The following ATP10B variants were observed in gnomAD, a reference collection of about 807,000 sequenced individuals.
The protein encoded by ATP10B is phospholipid-transporting ATPase VB.
A neutral mutation model predicts 141.2 loss-of-function variants in ATP10B; 122 were observed. The ratio of observed to expected loss-of-function variants is 0.86; its 90% CI spans 0.75 to 1.00. The LOEUF (loss-of-function observed/expected upper bound fraction) is 1.00, where lower values mean the gene tolerates loss of function less well. ATP10B is among the 50% of genes least tolerant of loss of function. The pLI, the probability that ATP10B is intolerant of heterozygous loss-of-function variation, is 0.00. For missense variants in ATP10B, 1,876 were observed against 1,825.3 expected, an observed-to-expected ratio of 1.03 and a Z score of -0.51; for synonymous variants, 685 against 692.0, an observed-to-expected ratio of 0.99 and a Z score of 0.16.
At chr5:160,578,537 C>T (rs917573833) in intron 24 of ATP10B, among the ~76,000 whole-genome samples, 2 of 152,110 alleles carry the variant, frequency 1.3e-5, no homozygotes, top group Non-Finnish European at 2.9e-5. Context: ...TTTATGGTTG[C>T]ATAGTATTCC....
At chr5:160,745,140 T>G (rs889227167) in intron 2 of ATP10B, among the ~76,000 whole-genome samples, 2 of 152,258 alleles carry the variant, frequency 1.3e-5, no homozygotes, top group Non-Finnish European at 1.5e-5. Flanking sequence ...CTGCTATTAT[T>G]ACCATTGTCA....
chr5:160,688,492 A>G (rs757812936), intron 4 of ATP10B, among the ~76,000 whole-genome samples: 2 of 152,140 alleles, frequency 1.3e-5, no homozygotes, highest in Non-Finnish European at 2.9e-5. Flanking sequence ...TTGCTGGGCT[A>G]TGACCCTGCA....
At chr5:160,676,052 T>A (rs1039447184) in intron 6 of ATP10B, among the ~76,000 whole-genome samples, 7 of 152,174 alleles carry the variant, frequency 4.6e-5, no homozygotes, top group South Asian at 2.1e-4. Context: ...GACGTTTTTA[T>A]TAATGGGACC....
chr5:160,753,961 A>T (rs1768340036), intron 2 of ATP10B, among the ~76,000 whole-genome samples: 1 of 152,188 alleles, frequency 6.6e-6, no homozygotes, highest in Non-Finnish European at 1.5e-5. Context: ...TTCAAAGAAA[A>T]TAGCCTATTA....
chr5:160,726,443 C>T (rs1766368127), intron 2 of ATP10B, among the ~76,000 whole-genome samples: 1 of 152,112 alleles, frequency 6.6e-6, no homozygotes, highest in Admixed American at 6.5e-5. Context: ...AGTGTGAGTC[C>T]TGTTCATCCC....
chr5:160,866,109 C>T, the ATP10B span, among the ~76,000 whole-genome samples: 4 of 151,232 alleles, frequency 2.6e-5, no homozygotes, highest in African/African-American at 7.3e-5. Flanking sequence ...ATGACATATG[C>T]ACATGTATGT....
chr5:160,766,416 A>T (rs978535604), intron 2 of ATP10B, among the ~76,000 whole-genome samples: 1 of 150,468 alleles, frequency 6.6e-6, no homozygotes, highest in African/African-American at 2.4e-5. Flanking sequence ...CTCAGCCATA[A>T]AAAGGAATGA....
At chr5:160,717,403 T>C (rs1026255908) in intron 2 of ATP10B, among the ~76,000 whole-genome samples, 2 of 152,222 alleles carry the variant, frequency 1.3e-5, no homozygotes, top group African/African-American at 2.4e-5. Flanking sequence ...TCTTCTGTTG[T>C]TCAGTTCTCT....
At chr5:160,635,181 C>T (rs1459406197) in intron 11 of ATP10B, among the ~76,000 whole-genome samples, 1 of 143,814 alleles carries the variant, frequency 7.0e-6, no homozygotes, top group Non-Finnish European at 1.6e-5. Flanking sequence ...GGGTGGGATG[C>T]TTGTAAACCA....
At position 160,604,010 on chromosome 5, in the gene ATP10B, T is replaced by C. The variant is rs751089220; in HGVS notation, c.3192A>G (p.Gln1064=). ...ATATTCCAATTCCAATATCAGCAGC[T>C]TGAATCATGCTTACATCATTTGCTC... ...GDGANDVSMI[Q]AADIGIGISG... The change falls in exon 20 of 26, where the codon CAA becomes CAG. Residue 1064 remains glutamine, a synonymous_variant. Coordinates refer to ENST00000327245, the MANE Select transcript of ATP10B (RefSeq NM_025153.3). 8.1e-6 allele frequency: 13 copies of C among 1,613,880 alleles called. No homozygotes were observed. The highest frequency in any genetic ancestry group is 6.7e-5 in the East Asian group (3 of 44,890).
chr5:160,890,129 A>G, the ATP10B span, among the ~76,000 whole-genome samples: 1 of 152,220 alleles, frequency 6.6e-6, no homozygotes, highest in South Asian at 2.1e-4. Flanking sequence ...TTCCATCAAA[A>G]TGTAAACTCC....
intron 8 of ATP10B, among the ~76,000 whole-genome samples, chr5:160,647,213 T>G (rs1760351938): frequency 6.6e-6 from 1 of 152,142 alleles, no homozygotes; most frequent in African/African-American, 2.4e-5. Context: ...AGCTTCTAAA[T>G]TAACGGAACC....
chr5:160,641,416 G>GT (rs1314730876), intron 9 of ATP10B, among the ~76,000 whole-genome samples: 3 of 152,200 alleles, frequency 2.0e-5, no homozygotes, highest in Non-Finnish European at 4.4e-5. Context: ...CTATGTTGAA[G>GT]TTTTGCATAC....
the ATP10B span, among the ~76,000 whole-genome samples, chr5:160,922,576 A>T: frequency 6.6e-6 from 1 of 152,220 alleles, no homozygotes; most frequent in Non-Finnish European, 1.5e-5. Flanking sequence ...ATGTCAATAG[A>T]AGACAATGTG....
At chr5:160,728,269 A>G (rs978471222) in intron 2 of ATP10B, among the ~76,000 whole-genome samples, 2 of 151,900 alleles carry the variant, frequency 1.3e-5, no homozygotes, top group African/African-American at 4.8e-5. Context: ...CTGCCTGAAA[A>G]CCTATTTGGA....
At chr5:160,861,383 G>A in the ATP10B span, among the ~76,000 whole-genome samples, 1 of 151,776 alleles carries the variant, frequency 6.6e-6, no homozygotes, top group Admixed American at 6.6e-5. Flanking sequence ...GATGATTATG[G>A]AATGAAACTT....
At chr5:160,795,410 A>G (rs943592711) in intron 1 of ATP10B, among the ~76,000 whole-genome samples, 2 of 152,082 alleles carry the variant, frequency 1.3e-5, no homozygotes, top group African/African-American at 2.4e-5. Context: ...GTCATTTCCC[A>G]TCTCTGTCCT....
At chr5:160,855,546 G>A (rs913135707), upstream of ATP10B, among the ~76,000 whole-genome samples, 3 of 151,194 alleles carry the variant, frequency 2.0e-5, no homozygotes, top group African/African-American at 7.3e-5. Context: ...GTTGGGAAAT[G>A]TTTTCTTTCA....
At chr5:160,622,871 G>C (rs950607840) in intron 13 of ATP10B, among the ~76,000 whole-genome samples, 2 of 151,858 alleles carry the variant, frequency 1.3e-5, no homozygotes, top group African/African-American at 4.8e-5. Context: ...CCTCAATCCT[G>C]AATTTCTGCA....
Sources: gnomAD v4.1 joint callset for allele counts (sites outside exome capture counted in the v4.1 genomes callset) on GRCh38, gnomAD v4.1.1 for gene constraint, MANE v1.5 for transcripts, NCBI Gene and HGNC (gene_info 2026-07-23, HGNC 2026-07-21) for gene names.